SNCG: variants seen among roughly 807,000 people sequenced by gnomAD.
The protein encoded by SNCG is gamma-synuclein.
Under a neutral mutation model 16.0 loss-of-function variants are expected in SNCG, and 13 were observed. The observed-to-expected ratio is 0.81, with a 90% CI of 0.53 to 1.29. SNCG has a LOEUF of 1.29. SNCG is among the 50% of genes most tolerant of loss of function. The pLI is 0.00. For synonymous variants in SNCG, 66 were observed against 66.3 expected, an observed-to-expected ratio of 1.00 and a Z score of 0.02; for missense variants, 154 against 168.5, an observed-to-expected ratio of 0.91 and a Z score of 0.48.
intron 3 of SNCG, among the ~76,000 whole-genome samples, chr10:86,960,947 T>C (rs1844337672): frequency 6.6e-6 from 1 of 152,198 alleles, no homozygotes; most frequent in South Asian, 2.1e-4. Flanking sequence ...CCATGGCTAG[T>C]TCATGTGAGC....
At position 86,959,783 on chromosome 10, in the gene SNCG, C is replaced by T; in HGVS notation, c.163+109C>T. ...GTCCTGCCTTACCCCCAACTGGGGT[C>T]CCAAGCCCTACAGACCCCTGCAGAC... On this transcript the variant is annotated intron_variant, in intron 2 of 4. Coordinates refer to ENST00000372017, the MANE Select transcript of SNCG (RefSeq NM_003087.3). This position sits in a 1 kb window ranked among gnomAD's most constrained non-coding sequence, Gnocchi z 4.3. The T allele has an allele frequency of 3.1e-6, 4 of 1,288,304 alleles. No homozygotes were observed. The highest frequency in any genetic ancestry group is 2.5e-5 in the Admixed American group (1 of 39,972). 79.8% of individuals were successfully genotyped at this position (1,288,304 alleles called of 1,614,324 possible). A position where few individuals can be genotyped will look rare whatever the true frequency, so the allele number is the denominator to read the frequency against.
chr10:86,959,578 A>G lies in SNCG; in HGVS notation c.122-55A>G, dbSNP rs1844303308. The G allele has an allele frequency of 9.1e-6, 14 of 1,546,910 alleles. No individual in the cohort carries two copies. The highest frequency in any genetic ancestry group is 1.2e-5 in the Non-Finnish European group (13 of 1,120,336). ...CAGCTGTTCTGTTGTGTTTGTCCTG[A>G]CCGCCCCCAACACCTCGAGGGAGGT... On this transcript the variant is annotated intron_variant, in intron 1 of 4. Transcript: ENST00000372017. The surrounding 1 kb of genome is among the most constrained non-coding windows in gnomAD (Gnocchi z 4.3).
At chr10:86,960,623 T>G (rs35518112) in intron 3 of SNCG, among the ~76,000 whole-genome samples, 12,201 of 152,256 alleles carry the variant, frequency 0.08, 547 homozygotes, top group Middle Eastern at 0.17. Flanking sequence ...GCAGTGCTGC[T>G]TCTGACCCTA....
chr10:86,963,012 T>A lies in SNCG; in HGVS notation c.*27T>A. ...GGGCTACAGGCCAGCGTGGATGACC[T>A]GAAGAGCGCTCCTCTGCCTTGGACA... On this transcript the variant is annotated 3_prime_UTR_variant, in exon 5 of 5. Transcript: ENST00000372017. 2 of 1,595,174 alleles carry A rather than the reference T, an allele frequency of 1.3e-6. No individual in the cohort carries two copies. The highest frequency in any genetic ancestry group is 1.3e-5 in the African/African-American group (1 of 74,814).
intron 3 of SNCG, 70 bp from the exon 4 acceptor site, chr10:86,962,534 C>T: frequency 8.4e-7 from 1 of 1,186,130 alleles, no homozygotes; most frequent in Non-Finnish European, 1.2e-6. Context: ...TAGACAAGGC[C>T]CTGGTTGCAG....
Position 86,959,989 on chromosome 10 carries a change from G to T in SNCG, c.164-12G>T. 1 of 1,585,780 alleles carries T rather than the reference G, an allele frequency of 6.3e-7. No individual in the cohort carries two copies. The highest frequency in any genetic ancestry group is 8.6e-7 in the Non-Finnish European group (1 of 1,166,936). ...GGGGCTGGGGTGGAGGCCAGCCAGT[G>T]TCCTCCCATAGTGGCCGAGAAGACC... On this transcript the variant is annotated splice_polypyrimidine_tract_variant and intron_variant, in intron 2 of 4. Transcript: ENST00000372017. The surrounding 1 kb of genome is among the most constrained non-coding windows in gnomAD (Gnocchi z 4.3).
upstream of SNCG, among the ~76,000 whole-genome samples, chr10:86,956,173 C>T (rs552122000): frequency 4.0e-5 from 6 of 151,480 alleles, no homozygotes; most frequent in Non-Finnish European, 8.8e-5. Flanking sequence ...GCCCCACCAC[C>T]GAGAATCACC....
Position 86,962,967 on chromosome 10 carries a change from C to T in SNCG, c.366C>T (p.Ala122=), listed in dbSNP as rs1373916330. 6.2e-6 allele frequency: 10 copies of T among 1,603,378 alleles called. No individual in the cohort carries two copies. The highest frequency in any genetic ancestry group is 8.5e-6 in the Non-Finnish European group (10 of 1,176,006). Residue 122 remains alanine (A), a splice_region_variant and synonymous_variant, in exon 5 of 5, where the codon GCC becomes GCT. Transcript: ENST00000372017. ...SKEKEEVAEE[A]QSGGD ...GTGCAGGTCATTCTCTCTCCCAGGC[C>T]CAGAGTGGGGGAGACTAGAGGGCTA...
At chr10:86,957,827 T>A, upstream of SNCG, 1 of 1,205,888 alleles carries the variant, frequency 8.3e-7, no homozygotes, top group Non-Finnish European at 1.0e-6. Flanking sequence ...ACCAAATGCA[T>A]CCTTATGGGA....
chr10:86,959,995 C>G lies in SNCG; in HGVS notation c.164-6C>G. On this transcript the variant is annotated splice_polypyrimidine_tract_variant and splice_region_variant and intron_variant, in intron 2 of 4. Coordinates refer to ENST00000372017, the MANE Select transcript of SNCG (RefSeq NM_003087.3). The surrounding 1 kb of genome is among the most constrained non-coding windows in gnomAD (Gnocchi z 4.3). ...GGGGTGGAGGCCAGCCAGTGTCCTCCCATAGTGGCCGAGAAGACCAAGGAG... is the reference window on the plus strand; with the variant it reads ...GGGGTGGAGGCCAGCCAGTGTCCTCGCATAGTGGCCGAGAAGACCAAGGAG... 1 of 1,590,150 alleles carries G rather than the reference C, an allele frequency of 6.3e-7. No individual in the cohort carries two copies. Among genetic ancestry groups the G allele is most frequent in the African/African-American group, 1.3e-5 (1 of 74,736 alleles).
chr10:86,958,474 A>C, upstream of SNCG: 1 of 1,388,930 alleles, frequency 7.2e-7, no homozygotes, highest in Non-Finnish European at 9.3e-7. Flanking sequence ...CCTATCCTGG[A>C]GGAAGGTGAG....
At position 86,959,924 on chromosome 10, in the gene SNCG, G is replaced by A; in HGVS notation, c.164-77G>A. 1 of 1,544,112 alleles carries A rather than the reference G, an allele frequency of 6.5e-7. No individual in the cohort carries two copies. ...GGCCAGGGCTCTGAGCTCCTGGGAA[G>A]GGGCTGCGAGCCTGACTCCAGCAGG... On this transcript the variant is annotated intron_variant, in intron 2 of 4. Transcript: ENST00000372017. This position sits in a 1 kb window ranked among gnomAD's most constrained non-coding sequence, Gnocchi z 4.3.
chr10:86,962,587 C>T lies in SNCG; in HGVS notation c.292-17C>T. On this transcript the variant is annotated splice_polypyrimidine_tract_variant and intron_variant, in intron 3 of 4. Coordinates refer to ENST00000372017, the MANE Select transcript of SNCG (RefSeq NM_003087.3). Reference sequence around the variant, plus strand: ...GCATTCTCCACATGGTCTCATGCCCCCTTTTGTCCCCTACAGGAGGACTTG... The same window carrying T: ...GCATTCTCCACATGGTCTCATGCCCTCTTTTGTCCCCTACAGGAGGACTTG... 6.3e-7 allele frequency: 1 copy of T among 1,598,150 alleles called. No individual in the cohort carries two copies. Among genetic ancestry groups the T allele is most frequent in the Non-Finnish European group, 8.6e-7 (1 of 1,167,840 alleles).
At chr10:86,962,138 C>T (rs956086563) in intron 3 of SNCG, among the ~76,000 whole-genome samples, 1 of 152,230 alleles carries the variant, frequency 6.6e-6, no homozygotes, top group African/African-American at 2.4e-5. Context: ...GATGCCAACA[C>T]ACCCCACCAC....
Position 86,962,960 on chromosome 10 carries a change from C to T in SNCG, c.364-5C>T. On this transcript the variant is annotated splice_polypyrimidine_tract_variant and splice_region_variant and intron_variant, in intron 4 of 4. Transcript: ENST00000372017. Reference sequence around the variant, plus strand: ...GCTGGGTGTGCAGGTCATTCTCTCTCCCAGGCCCAGAGTGGGGGAGACTAG... The same window carrying T: ...GCTGGGTGTGCAGGTCATTCTCTCTTCCAGGCCCAGAGTGGGGGAGACTAG... 1.9e-6 allele frequency: 3 copies of T among 1,602,332 alleles called. No individual in the cohort carries two copies. The highest frequency in any genetic ancestry group is 2.6e-6 in the Non-Finnish European group (3 of 1,175,484).
chr10:86,962,730 T>C, intron 4 of SNCG, 55 bp downstream of exon 4: 2 of 1,430,132 alleles, frequency 1.4e-6, no homozygotes, highest in East Asian at 2.3e-5. Flanking sequence ...AGGGACCCCA[T>C]CCCCCACAGA....
At position 86,958,695 on chromosome 10, in the gene SNCG, A is replaced by C; in HGVS notation, c.-3A>C. ...TGCAGCAGCACAACCCTGCACACCC[A>C]CCATGGATGTCTTCAAGAAGGGCTT... is the stretch of plus-strand genomic sequence containing the variant. On this transcript the variant is annotated 5_prime_UTR_variant, in exon 1 of 5. Transcript: ENST00000372017. 1 of 1,613,970 alleles carries C rather than the reference A, an allele frequency of 6.2e-7. No homozygotes were observed. Among genetic ancestry groups the C allele is most frequent in the Non-Finnish European group, 8.5e-7 (1 of 1,179,976 alleles).
At chr10:86,957,200 G>A (rs1242446784), upstream of SNCG, among the ~76,000 whole-genome samples, 3 of 152,228 alleles carry the variant, frequency 2.0e-5, no homozygotes, top group Non-Finnish European at 4.4e-5. Flanking sequence ...CAATTCTTAG[G>A]TGGATCCTGA....
upstream of SNCG, chr10:86,958,242 C>A (rs530805405): frequency 1.0e-6 from 1 of 968,630 alleles, no homozygotes; most frequent in African/African-American, 1.8e-5. Flanking sequence ...GGACAATGGC[C>A]AAGGCGCCTC....
Sources: gnomAD v4.1 joint callset for allele counts (sites outside exome capture counted in the v4.1 genomes callset) on GRCh38, gnomAD v4.1.1 for gene constraint, Gnocchi (gnomAD v3.1) non-coding constraint, MANE v1.5 for transcripts, NCBI Gene and HGNC (gene_info 2026-07-23, HGNC 2026-07-21) for gene names.